The following LRRC8D variants were observed in gnomAD, a reference collection of about 807,000 sequenced individuals.
The protein encoded by LRRC8D is volume-regulated anion channel subunit LRRC8D.
In LRRC8D, 20 loss-of-function variants were observed where a neutral mutation model predicts 55.8. The observed-to-expected ratio is 0.36, with a 90% confidence interval of 0.25 to 0.52. The LOEUF (loss-of-function observed/expected upper bound fraction) is 0.52, where lower values mean the gene tolerates loss of function less well. Ranked by LOEUF, LRRC8D falls within the 20% of genes least tolerant of loss-of-function variation. LRRC8D has a pLI of 0.93. For synonymous variants in LRRC8D, 352 were observed against 377.0 expected, an observed-to-expected ratio of 0.93 and a Z score of 0.77; for missense variants, 651 against 1,030.8, an observed-to-expected ratio of 0.63 and a Z score of 5.05.
intron 2 of LRRC8D, among the ~76,000 whole-genome samples, chr1:89,870,939 G>A (rs1158204775): frequency 6.6e-6 from 1 of 152,158 alleles, no homozygotes; most frequent in African/African-American, 2.4e-5. Context: ...TCTGTAGGAC[G>A]CTGAAATACC....
chr1:89,900,955 G>T (rs3738795), intron 2 of LRRC8D, among the ~76,000 whole-genome samples: 3 of 152,072 alleles, frequency 2.0e-5, no homozygotes, highest in Non-Finnish European at 4.4e-5. Context: ...AATGTCAGGG[G>T]TGCATAATTC....
At chr1:89,854,548 A>C (rs1426395523) in intron 2 of LRRC8D, among the ~76,000 whole-genome samples, 1 of 152,254 alleles carries the variant, frequency 6.6e-6, no homozygotes, top group Non-Finnish European at 1.5e-5. Flanking sequence ...CTTGAGTTCT[A>C]GTCCTAGTTC....
At chr1:89,875,654 TGTC>T (rs1662128736) in intron 2 of LRRC8D, among the ~76,000 whole-genome samples, 2 of 152,208 alleles carry the variant, frequency 1.3e-5, no homozygotes. Flanking sequence ...TTCTATATGT[TGTC>T]ATCTGACACT....
intron 1 of LRRC8D, among the ~76,000 whole-genome samples, chr1:89,827,882 A>G (rs978491525): frequency 5.3e-5 from 8 of 152,372 alleles, no homozygotes; most frequent in East Asian, 3.9e-4. Context: ...TAAATTCAGG[A>G]TGAATGCCAA....
intron 2 of LRRC8D, among the ~76,000 whole-genome samples, chr1:89,873,825 C>T (rs1662081286): frequency 6.6e-6 from 1 of 152,122 alleles, no homozygotes; most frequent in Non-Finnish European, 1.5e-5. Context: ...ATTTAGAGTG[C>T]CGTTTGATAA....
At chr1:89,867,709 C>T (rs976893553) in intron 2 of LRRC8D, among the ~76,000 whole-genome samples, 4 of 152,186 alleles carry the variant, frequency 2.6e-5, no homozygotes, top group Admixed American at 2.6e-4. Context: ...AAAGTGGCTG[C>T]ACCATTTTGC....
intron 2 of LRRC8D, among the ~76,000 whole-genome samples, chr1:89,914,082 AC>A (rs1663195496): frequency 6.6e-6 from 1 of 152,214 alleles, no homozygotes; most frequent in Non-Finnish European, 1.5e-5. Context: ...GTAACATCCT[AC>A]CATGGTAAAA....
At chr1:89,870,805 A>G (rs1661988448) in intron 2 of LRRC8D, among the ~76,000 whole-genome samples, 1 of 152,240 alleles carries the variant, frequency 6.6e-6, no homozygotes, top group Non-Finnish European at 1.5e-5. Context: ...GGCAGTGACC[A>G]GGGGTACTTG....
chr1:89,833,951 A>G (rs930929080), intron 1 of LRRC8D, among the ~76,000 whole-genome samples: 15 of 152,186 alleles, frequency 9.9e-5, no homozygotes, highest in Middle Eastern at 3.4e-3. Context: ...TTGCCTACAA[A>G]GTGCTATTTG....
intron 1 of LRRC8D, among the ~76,000 whole-genome samples, chr1:89,832,540 G>A (rs1199402792): frequency 3.3e-5 from 5 of 152,138 alleles, no homozygotes; most frequent in Non-Finnish European, 7.3e-5. Flanking sequence ...TGTTACTTTA[G>A]TGCAGTAAGG....
At chr1:89,910,787 A>G (rs1663115519) in intron 2 of LRRC8D, among the ~76,000 whole-genome samples, 1 of 152,174 alleles carries the variant, frequency 6.6e-6, no homozygotes, top group South Asian at 2.1e-4. Flanking sequence ...AGGCTCAAGT[A>G]TGTAAGTGCT....
rs144137073 is a variant in LRRC8D at position 89,837,263 on chromosome 1, G to A, written c.-147-6375G>A. On this transcript the variant is annotated intron_variant, in intron 1 of 2. Transcript: ENST00000337338. ...TTCCTTCTTAATATTTATTTATTCA[G>A]CAATGTGGCCCAGGCTCTGCATCCC... is the stretch of plus-strand genomic sequence containing the variant. Among the ~76,000 whole-genome samples the A allele has an allele frequency of 2.1e-3, 326 of 152,132 alleles. 1 individual carries two copies. The highest frequency in any genetic ancestry group is 7.5e-3 in the African/African-American group (312 of 41,472).
Position 89,843,714 on chromosome 1 carries a change from C to T in LRRC8D, c.-71C>T, listed in dbSNP as rs904980474. 48 of 701,798 alleles carry T rather than the reference C, an allele frequency of 6.8e-5. No homozygotes were observed. The Admixed American group carries it at 9.4e-4, about 14-fold the overall frequency. The allele number at this position is 701,798 out of a possible 1,614,324, so 43.5% of individuals were successfully genotyped here. ...AAGTCTCCTGTCGCCGTGGTTCCAG[C>T]CTCCGGAGCTCGCCCAAGCCGCGTC... On this transcript the variant is annotated 5_prime_UTR_variant, in exon 2 of 3. Coordinates refer to ENST00000337338, the MANE Select transcript of LRRC8D (RefSeq NM_001134479.2).
intron 1 of LRRC8D, among the ~76,000 whole-genome samples, chr1:89,837,107 T>C (rs1661020651): frequency 2.0e-5 from 3 of 152,244 alleles, no homozygotes; most frequent in Admixed American, 1.3e-4. Flanking sequence ...ATGGGTTCAC[T>C]GCATTCCTTT....
rs1443566534 is a variant in LRRC8D at position 89,821,106 on chromosome 1, G to C, written c.-333G>C. The C allele has an allele frequency of 6.5e-6, 1 of 153,272 alleles. No individual in the cohort carries two copies. The highest frequency in any genetic ancestry group is 2.4e-5 in the African/African-American group (1 of 41,390). The allele number at this position is 153,272 out of a possible 1,614,324, so 9.5% of individuals were successfully genotyped here. A position where few individuals can be genotyped will look rare whatever the true frequency, so the allele number is the denominator to read the frequency against. ...GCCGCTGCCGCTGCCGCCGCCCGTG[G>C]TGCCCCGGCTCCTCCGCCGCGCTTC... On this transcript the variant is annotated 5_prime_UTR_variant, in exon 1 of 3. Transcript: ENST00000337338.
At chr1:89,865,863 T>C (rs1661828741) in intron 2 of LRRC8D, among the ~76,000 whole-genome samples, 1 of 152,232 alleles carries the variant, frequency 6.6e-6, no homozygotes. Context: ...GTTTGTAAAT[T>C]TTAGTTCTTA....
chr1:89,831,671 A>G (rs550218372), intron 1 of LRRC8D, among the ~76,000 whole-genome samples: 8 of 152,286 alleles, frequency 5.3e-5, no homozygotes, highest in East Asian at 3.9e-4. Context: ...TTATTTTGCA[A>G]TTCCTAGTGT....
chr1:89,934,125 G>C lies in LRRC8D; in HGVS notation c.1057G>C (p.Glu353Gln), dbSNP rs781256386. Residue 353 changes from glutamate (E) to glutamine (Q), a missense_variant, in exon 3 of 3, where the codon GAG becomes CAG. Physicochemically the swap from Glu to Gln is conservative, Grantham distance 29. Around this residue, in one of 5 missense-constraint regions of LRRC8D, gnomAD observed 178 missense variants for 374.9 expected, o/e 0.47. Coordinates refer to ENST00000337338, the MANE Select transcript of LRRC8D (RefSeq NM_001134479.2). This position sits in a 1 kb window ranked among gnomAD's most constrained non-coding sequence, Gnocchi z 5.9. ...VEHLIGYEVF[E>Q]CTHNMAYMLK... ...GCATCTGATTGGTTATGAGGTATTT[G>C]AGTGCACCCACAATATGGCTTACAT... 1 of 1,614,158 alleles carries C rather than the reference G, an allele frequency of 6.2e-7. No individual in the cohort carries two copies. The highest frequency in any genetic ancestry group is 1.7e-5 in the Admixed American group (1 of 60,018).
chr1:89,926,475 G>A (rs973981469), intron 2 of LRRC8D, among the ~76,000 whole-genome samples: 3 of 152,238 alleles, frequency 2.0e-5, no homozygotes, highest in Admixed American at 6.5e-5. Flanking sequence ...GTCAGGAAGG[G>A]ATGGTGGTGA....
Sources: gnomAD v4.1 joint callset for allele counts (sites outside exome capture counted in the v4.1 genomes callset) on GRCh38, gnomAD v4.1.1 for gene constraint, gnomAD v4.1.1 regional missense constraint, Gnocchi (gnomAD v3.1) non-coding constraint, MANE v1.5 for transcripts, NCBI Gene and HGNC (gene_info 2026-07-23, HGNC 2026-07-21) for gene names.